Variants in DAB1 observed in about 807,000 individuals in gnomAD.
The protein encoded by DAB1 is disabled homolog 1.
In DAB1, 15 loss-of-function variants were observed where a neutral mutation model predicts 64.6. The ratio of observed to expected loss-of-function variants is 0.23; its 90% CI spans 0.16 to 0.36. The LOEUF (loss-of-function observed/expected upper bound fraction) is 0.36, where lower values mean the gene tolerates loss of function less well. DAB1 is among the 10% of genes least tolerant of loss of function. The probability of loss-of-function intolerance (pLI) is 1.00; values close to 1 mark genes in which losing one functional copy is unlikely to be tolerated. For missense variants in DAB1, 596 were observed against 706.7 expected (o/e 0.84, Z 1.78); for synonymous variants, 235 against 251.9 (o/e 0.93, Z 0.64).
At chr1:58,421,580 T>C (rs11590788) in intron 3 of DAB1, among the ~76,000 whole-genome samples, 40,135 of 152,164 alleles carry the variant, frequency 0.26, 5,696 homozygotes, top group Middle Eastern at 0.32. Flanking sequence ...GATGTGTTCC[T>C]CTCAATTTCA....
At chr1:57,355,340 C>CTCCCTTCCTTCCTTCCT (rs2100874926) in intron 1 of DAB1, among the ~76,000 whole-genome samples, 1 of 151,340 alleles carries the variant, frequency 6.6e-6, no homozygotes, top group African/African-American at 2.4e-5. Flanking sequence ...TCCTTCCATC[C>CTCCCTTCCTTCCTTCCT]TCCCTTCCTT....
intron 1 of DAB1, among the ~76,000 whole-genome samples, chr1:57,834,644 T>C (rs980329432): frequency 1.7e-4 from 26 of 151,656 alleles, no homozygotes; most frequent in Non-Finnish European, 3.4e-4. Context: ...TTTATATATA[T>C]ATAAAACTGC....
At chr1:58,505,109 C>G (rs1053917480) in intron 3 of DAB1, among the ~76,000 whole-genome samples, 2 of 152,148 alleles carry the variant, frequency 1.3e-5, no homozygotes, top group African/African-American at 4.8e-5. Context: ...CATGCCACCA[C>G]GCCCGCCTAA....
intron 7 of DAB1, among the ~76,000 whole-genome samples, chr1:57,471,684 T>G (rs1173552347): frequency 6.6e-6 from 1 of 152,242 alleles, no homozygotes; most frequent in Non-Finnish European, 1.5e-5. Context: ...ACCTTTCACC[T>G]TCTGCCATAA....
chr1:57,546,719 C>T (rs760110199), intron 7 of DAB1, among the ~76,000 whole-genome samples: 5 of 152,050 alleles, frequency 3.3e-5, no homozygotes, highest in East Asian at 1.9e-4. Context: ...GTCATTAAGG[C>T]GTAGGTGTGA....
intron 5 of DAB1, among the ~76,000 whole-genome samples, chr1:58,014,881 A>G (rs1646716934): frequency 6.6e-6 from 1 of 152,170 alleles, no homozygotes; most frequent in African/African-American, 2.4e-5. Context: ...CAAACAAAAG[A>G]AGAAGAAAGA....
At chr1:57,807,377 G>A (rs1371264807) in intron 6 of DAB1, among the ~76,000 whole-genome samples, 5 of 152,070 alleles carry the variant, frequency 3.3e-5, no homozygotes, top group Non-Finnish European at 7.4e-5. Flanking sequence ...TCACAGTGAC[G>A]CCCTGTGACT....
chr1:57,131,439 G>A (rs998414453), intron 4 of DAB1, among the ~76,000 whole-genome samples: 54 of 152,130 alleles, frequency 3.5e-4, no homozygotes, highest in African/African-American at 1.3e-3. Context: ...AGAGTCCTGT[G>A]CACTGTCTCA....
chr1:58,000,763 G>T (rs1288923260), intron 5 of DAB1, among the ~76,000 whole-genome samples: 1 of 151,646 alleles, frequency 6.6e-6, no homozygotes, highest in Non-Finnish European at 1.5e-5. Flanking sequence ...TAGGGTCGGG[G>T]TTTCACCATG....
intron 5 of DAB1, among the ~76,000 whole-genome samples, chr1:57,897,061 G>C (rs1305338248): frequency 6.6e-6 from 1 of 152,044 alleles, no homozygotes; most frequent in Non-Finnish European, 1.5e-5. Flanking sequence ...ATCCCTAAAA[G>C]TTACAGAACA....
intron 2 of DAB1, among the ~76,000 whole-genome samples, chr1:58,514,763 T>C (rs1646134219): frequency 6.6e-6 from 1 of 152,174 alleles, no homozygotes; most frequent in Non-Finnish European, 1.5e-5. Flanking sequence ...AAAATGATCA[T>C]TATTTTAGAA....
intron 6 of DAB1, among the ~76,000 whole-genome samples, chr1:57,735,615 T>TG (rs1190051817): frequency 7.5e-6 from 1 of 133,508 alleles, no homozygotes; most frequent in Non-Finnish European, 1.7e-5. Flanking sequence ...GCTTGTTTTT[T>TG]TTTTTTTTTT....
At chr1:57,815,922 G>T (rs1042938808) in intron 6 of DAB1, among the ~76,000 whole-genome samples, 3 of 152,220 alleles carry the variant, frequency 2.0e-5, no homozygotes, top group African/African-American at 7.2e-5. Flanking sequence ...CAGGCTGGCA[G>T]TGTCCTTAAC....
chr1:57,553,508 G>GGAAGGAAGGAAGGAAGGAAGGAAGAA, intron 7 of DAB1, among the ~76,000 whole-genome samples: 1 of 147,724 alleles, frequency 6.8e-6, no homozygotes, highest in Admixed American at 6.8e-5. Context: ...AAGGAAGGAA[G>GGAAGGAAGGAAGGAAGGAAGGAAGAA]AGAGAGAGAG....
intron 5 of DAB1, among the ~76,000 whole-genome samples, chr1:58,090,537 G>A (rs1418038233): frequency 6.6e-6 from 1 of 152,136 alleles, no homozygotes; most frequent in Non-Finnish European, 1.5e-5. Context: ...TTGAGATTTG[G>A]ATTCTAACTT....
chr1:57,772,031 G>C (rs1412221599), intron 6 of DAB1, among the ~76,000 whole-genome samples: 1 of 152,106 alleles, frequency 6.6e-6, no homozygotes, highest in Non-Finnish European at 1.5e-5. Context: ...CCCCCAAAAA[G>C]ACTGCATTGG....
intron 4 of DAB1, among the ~76,000 whole-genome samples, chr1:58,191,765 T>C (rs1416811663): frequency 2.0e-5 from 3 of 152,180 alleles, no homozygotes; most frequent in Non-Finnish European, 4.4e-5. Flanking sequence ...GTCTGTGAAA[T>C]GTTGAGAGTA....
intron 6 of DAB1, among the ~76,000 whole-genome samples, chr1:57,656,450 T>C (rs1646319927): frequency 6.6e-6 from 1 of 152,226 alleles, no homozygotes; most frequent in South Asian, 2.1e-4. Flanking sequence ...ATAACTGCAA[T>C]TAGGTTTGCA....
chr1:57,177,918 T>C (rs374153860), intron 2 of DAB1, among the ~76,000 whole-genome samples: 8 of 152,308 alleles, frequency 5.3e-5, no homozygotes, highest in African/African-American at 1.9e-4. Context: ...CTCTTGACTA[T>C]TCAGTTACTG....
Sources: gnomAD v4.1 joint callset for allele counts (sites outside exome capture counted in the v4.1 genomes callset) on GRCh38, gnomAD v4.1.1 for gene constraint, MANE v1.5 for transcripts, NCBI Gene and HGNC (gene_info 2026-07-23, HGNC 2026-07-21) for gene names.